The following AGMO variants were observed in gnomAD, a reference collection of about 807,000 sequenced individuals.
AGMO encodes glyceryl-ether monooxygenase.
Under a neutral mutation model 60.2 loss-of-function variants are expected in AGMO, and 75 were observed. That is an observed-to-expected ratio of 1.25 (90% CI 1.03 to 1.51). The LOEUF is 1.51. AGMO is among the 40% of genes most tolerant of loss of function. The probability of loss-of-function intolerance (pLI) is 0.00; values close to 1 mark genes in which losing one functional copy is unlikely to be tolerated. For missense variants in AGMO, 763 were observed against 525.5 expected (o/e 1.45, Z -4.42); for synonymous variants, 261 against 177.1 (o/e 1.47, Z -3.76).
In AGMO at chr7:15,271,795, C is replaced by T. The variant is rs372629701; in HGVS notation, c.1264-70436G>A. 3.3e-5 allele frequency among the ~76,000 whole-genome samples: 5 copies of T among 152,182 alleles called. No individual in the cohort carries two copies. In the East Asian group the frequency reaches 9.7e-4, roughly 29 times the overall value. On this transcript the variant is annotated intron_variant, in intron 12 of 12. Transcript: ENST00000342526. ...TTTTCCCCATTCAGTGTGATGTTGG[C>T]TGTGGATATGTCATATATGGCTCTT...
chr7:15,525,751 C>G (rs1784112855), intron 3 of AGMO, among the ~76,000 whole-genome samples: 1 of 152,210 alleles, frequency 6.6e-6, no homozygotes, highest in East Asian at 1.9e-4. Context: ...GCTGAGCCAG[C>G]CCAGGAGCCC....
intron 12 of AGMO, among the ~76,000 whole-genome samples, chr7:15,338,720 T>C (rs987617203): frequency 2.0e-5 from 3 of 152,206 alleles, no homozygotes; most frequent in Admixed American, 6.5e-5. Flanking sequence ...AAAATTGTCA[T>C]TCCACTTCTA....
intron 12 of AGMO, among the ~76,000 whole-genome samples, chr7:15,341,167 A>G (rs566495243): frequency 6.6e-6 from 1 of 152,264 alleles, no homozygotes; most frequent in South Asian, 2.1e-4. Context: ...CTTGTTACTT[A>G]TGCAAATTTC....
At chr7:15,153,730 G>T in the AGMO span, among the ~76,000 whole-genome samples, 1 of 152,028 alleles carries the variant, frequency 6.6e-6, no homozygotes, top group Non-Finnish European at 1.5e-5. Flanking sequence ...TGCTGTTTTG[G>T]TGACTATGGC....
intron 12 of AGMO, among the ~76,000 whole-genome samples, chr7:15,277,554 T>C (rs551140312): frequency 6.6e-6 from 1 of 152,218 alleles, no homozygotes; most frequent in East Asian, 1.9e-4. Context: ...TATTTTAAAT[T>C]TTCTCCATCC....
chr7:15,193,141 C>T, the AGMO span, among the ~76,000 whole-genome samples: 1 of 152,082 alleles, frequency 6.6e-6, no homozygotes, highest in Non-Finnish European at 1.5e-5. Flanking sequence ...AGTGTTGACA[C>T]TTGCAATTGA....
At chr7:15,544,594 T>A (rs903131294) in intron 3 of AGMO, among the ~76,000 whole-genome samples, 178 bp downstream of exon 3, 29 of 152,168 alleles carry the variant, frequency 1.9e-4, no homozygotes, top group African/African-American at 6.8e-4. Flanking sequence ...TTTTAAAATA[T>A]GGCTTCAGAT....
chr7:15,283,003 G>A (rs937949618), intron 12 of AGMO, among the ~76,000 whole-genome samples: 1 of 152,064 alleles, frequency 6.6e-6, no homozygotes, highest in Non-Finnish European at 1.5e-5. Context: ...TTTCAAAAAT[G>A]AAAGAGAAAC....
chr7:15,312,402 T>A (rs1780793224), intron 12 of AGMO, among the ~76,000 whole-genome samples: 1 of 152,188 alleles, frequency 6.6e-6, no homozygotes, highest in South Asian at 2.1e-4. Flanking sequence ...AAGGCAAGTT[T>A]CCTTTAAGTA....
intron 12 of AGMO, among the ~76,000 whole-genome samples, chr7:15,234,805 A>G (rs956557105): frequency 9.2e-5 from 14 of 152,182 alleles, no homozygotes; most frequent in African/African-American, 3.4e-4. Flanking sequence ...ATGTCACTGA[A>G]TATTATTCTT....
intron 12 of AGMO, chr7:15,358,594 A>G (rs1297679012): frequency 2.9e-6 from 1 of 340,968 alleles, no homozygotes; most frequent in Non-Finnish European, 5.9e-6. Flanking sequence ...TCCCCAAGAT[A>G]AAAAGACCTT....
In AGMO at chr7:15,375,427, GCT is replaced by G. The variant is rs1372055846; in HGVS notation, c.1075-9207_1075-9206del. The stretch of plus-strand genomic sequence containing the variant: ...TTTTTTTTTTTTGAGACAGAGTCTT[GCT>G]CTGTTGCCTAGGCTGGAGTGCAGTA... On this transcript the variant is annotated intron_variant, in intron 10 of 12. Transcript: ENST00000342526. Among the ~76,000 whole-genome samples, 9 of 120,940 alleles carry G rather than the reference GCT, an allele frequency of 7.4e-5. No individual in the cohort carries two copies. The East Asian group carries it at 2.2e-3, about 29-fold the overall frequency. The allele number at this position is 120,940 out of a possible 152,430, so 79.3% of individuals were successfully genotyped here. A position where few individuals can be genotyped will look rare whatever the true frequency, so the allele number is the denominator to read the frequency against.
At chr7:15,489,231 T>C (rs1465015433) in intron 3 of AGMO, among the ~76,000 whole-genome samples, 8 of 152,116 alleles carry the variant, frequency 5.3e-5, no homozygotes, top group Admixed American at 3.3e-4. Flanking sequence ...TTATAAAACT[T>C]TGTAGAATCA....
intron 12 of AGMO, among the ~76,000 whole-genome samples, chr7:15,298,712 T>C (rs574890711): frequency 1.3e-5 from 2 of 152,310 alleles, no homozygotes; most frequent in East Asian, 3.9e-4. Flanking sequence ...TATGTTTTTC[T>C]ATATCAAGCC....
At chr7:15,223,033 T>C (rs1295795287) in intron 12 of AGMO, among the ~76,000 whole-genome samples, 2 of 152,010 alleles carry the variant, frequency 1.3e-5, no homozygotes, top group African/African-American at 2.4e-5. Flanking sequence ...AATGTGTATA[T>C]ACTCAACAAT....
chr7:15,187,287 A>C, the AGMO span, among the ~76,000 whole-genome samples: 1 of 152,152 alleles, frequency 6.6e-6, no homozygotes, highest in Non-Finnish European at 1.5e-5. Context: ...TTTTCAAATA[A>C]TTTTCATTAA....
chr7:15,538,240 T>C (rs962124978), intron 3 of AGMO, among the ~76,000 whole-genome samples: 1 of 152,158 alleles, frequency 6.6e-6, no homozygotes, highest in Admixed American at 6.5e-5. Flanking sequence ...GTATTATTAT[T>C]ATTATTATTA....
At chr7:15,466,706 A>C (rs2128510653) in intron 3 of AGMO, among the ~76,000 whole-genome samples, 1 of 152,304 alleles carries the variant, frequency 6.6e-6, no homozygotes, top group South Asian at 2.1e-4. Context: ...ATTGTATATA[A>C]ATCATAGTAT....
chr7:15,322,669 T>C lies in AGMO; in HGVS notation c.1263+42845A>G, dbSNP rs1454914475. Among the ~76,000 whole-genome samples, 3 of 84,068 alleles carry C rather than the reference T, an allele frequency of 3.6e-5. 1 individual carries two copies. In the East Asian group the frequency reaches 8.4e-4, roughly 24 times the overall value. 55.2% of individuals were successfully genotyped at this position (84,068 alleles called of 152,430 possible). A position where few individuals can be genotyped will look rare whatever the true frequency, so the allele number is the denominator to read the frequency against. Reference sequence around the variant, plus strand: ...ATATAAATATATATATAAATATATATAAATATATGTATATATAAATATATG... The same window carrying C: ...ATATAAATATATATATAAATATATACAAATATATGTATATATAAATATATG... On this transcript the variant is annotated intron_variant, in intron 12 of 12. Transcript: ENST00000342526.
Sources: gnomAD v4.1 joint callset for allele counts (sites outside exome capture counted in the v4.1 genomes callset) on GRCh38, gnomAD v4.1.1 for gene constraint, MANE v1.5 for transcripts, NCBI Gene and HGNC (gene_info 2026-07-23, HGNC 2026-07-21) for gene names.